Variants in SPRED2 observed in about 807,000 individuals in gnomAD.
The protein encoded by SPRED2 is sprouty-related, EVH1 domain-containing protein 2.
Under a neutral mutation model 43.0 loss-of-function variants are expected in SPRED2, and 47 were observed. That is an observed-to-expected ratio of 1.09 (90% CI 0.87 to 1.40). SPRED2 has a LOEUF of 1.40. Among genes scored for constraint, SPRED2 ranks in the 40% most tolerant of loss-of-function variants. The probability of loss-of-function intolerance (pLI) is 0.00; values close to 1 mark genes in which losing one functional copy is unlikely to be tolerated. For missense variants in SPRED2, 561 were observed against 586.4 expected (o/e 0.96, Z 0.45); for synonymous variants, 225 against 225.7 (o/e 1.00, Z 0.03).
chr2:65,337,490 T>A (rs1674000189), intron 2 of SPRED2, among the ~76,000 whole-genome samples: 1 of 152,072 alleles, frequency 6.6e-6, no homozygotes, highest in Non-Finnish European at 1.5e-5. Context: ...TTCCTACTCA[T>A]CTCTCCCCTC....
intron 1 of SPRED2, among the ~76,000 whole-genome samples, chr2:65,351,116 G>T (rs1674497386): frequency 6.6e-6 from 1 of 152,346 alleles, no homozygotes; most frequent in South Asian, 2.1e-4. Context: ...CCACTGAGGA[G>T]TGGGTTTCGA....
At chr2:65,344,643 G>T (rs1310092042) in intron 2 of SPRED2, 76 bp downstream of exon 2, 1 of 1,546,554 alleles carries the variant, frequency 6.5e-7, no homozygotes, top group Non-Finnish European at 8.9e-7. Flanking sequence ...AATACGTTAA[G>T]GAAAGAGGAC....
In SPRED2 at chr2:65,330,583, G is replaced by A. The variant is rs538290963; in HGVS notation, c.438+1404C>T. 7.9e-5 allele frequency among the ~76,000 whole-genome samples: 12 copies of A among 152,156 alleles called. 1 individual carries two copies. Among genetic ancestry groups the A allele is most frequent in the African/African-American group, 2.2e-4 (9 of 41,508 alleles). On this transcript the variant is annotated intron_variant, in intron 4 of 5. Coordinates refer to ENST00000356388, the MANE Select transcript of SPRED2 (RefSeq NM_181784.3). Reference sequence around the variant, plus strand: ...CCCCCATTATCAACATCCCCACCACGGTGGTACATTTGTGACAATCGATGA... The same window carrying A: ...CCCCCATTATCAACATCCCCACCACAGTGGTACATTTGTGACAATCGATGA...
chr2:65,363,155 C>A (rs1674874257), intron 1 of SPRED2, among the ~76,000 whole-genome samples: 1 of 146,860 alleles, frequency 6.8e-6, no homozygotes, highest in South Asian at 2.1e-4. Context: ...AGGAGAATCA[C>A]TTGAACTTGG....
chr2:65,324,263 A>G (rs1673532018), intron 4 of SPRED2, among the ~76,000 whole-genome samples: 1 of 152,164 alleles, frequency 6.6e-6, no homozygotes, highest in Non-Finnish European at 1.5e-5. Flanking sequence ...TTGATGACAA[A>G]TGAGAGCAAC....
chr2:65,314,551 G>C (rs1447063058), intron 5 of SPRED2, among the ~76,000 whole-genome samples: 1 of 152,182 alleles, frequency 6.6e-6, no homozygotes, highest in Non-Finnish European at 1.5e-5. Flanking sequence ...CTGTGCCCCA[G>C]AGTATCTTCC....
chr2:65,374,515 C>T lies in SPRED2; in HGVS notation c.27-29619G>A, dbSNP rs143317409. Among the ~76,000 whole-genome samples, 3 of 152,330 alleles carry T rather than the reference C, an allele frequency of 2.0e-5. No individual in the cohort carries two copies. In the East Asian group the frequency reaches 5.8e-4, roughly 29 times the overall value. On this transcript the variant is annotated intron_variant, in intron 1 of 5. Coordinates refer to ENST00000356388, the MANE Select transcript of SPRED2 (RefSeq NM_181784.3). ...AATTAGCTACCTAACTAAAACAAATCCCAAAATTCTGTCACAGTTAACTTT... is the reference window on the plus strand; with the variant it reads ...AATTAGCTACCTAACTAAAACAAATTCCAAAATTCTGTCACAGTTAACTTT...
chr2:65,363,683 A>G (rs912133274), intron 1 of SPRED2, among the ~76,000 whole-genome samples: 4 of 152,238 alleles, frequency 2.6e-5, no homozygotes, highest in Non-Finnish European at 4.4e-5. Flanking sequence ...ATGACCACAC[A>G]TCCATAAACC....
chr2:65,338,973 G>A (rs1327176468), intron 2 of SPRED2, among the ~76,000 whole-genome samples: 7 of 143,692 alleles, frequency 4.9e-5, no homozygotes, highest in East Asian at 2.0e-4. Flanking sequence ...GGTGAGGGGC[G>A]CCTCTGCCCG....
chr2:65,334,904 T>G, intron 2 of SPRED2, 131 bp from the exon 3 acceptor site: 1 of 850,070 alleles, frequency 1.2e-6, no homozygotes, highest in Non-Finnish European at 1.9e-6. Flanking sequence ...TTCACATATC[T>G]GTGAGTCTCT....
In SPRED2 at chr2:65,372,669, G is replaced by A. The variant is rs1297108136; in HGVS notation, c.27-27773C>T. On this transcript the variant is annotated intron_variant, in intron 1 of 5. Transcript: ENST00000356388. ...CTCAAGTCCTGGAAATGAGATAAAG[G>A]GAGTTAAGGAGTGACCATTTAATGT... 2.0e-5 allele frequency among the ~76,000 whole-genome samples: 3 copies of A among 152,142 alleles called. No individual in the cohort carries two copies. The South Asian group carries it at 6.2e-4, about 32-fold the overall frequency.
chr2:65,379,725 T>C (rs1675328224), intron 1 of SPRED2, among the ~76,000 whole-genome samples: 1 of 152,184 alleles, frequency 6.6e-6, no homozygotes, highest in African/African-American at 2.4e-5. Context: ...AGGGCTGGAA[T>C]CTGACCCAGC....
At chr2:65,417,568 T>A (rs1676316513) in intron 1 of SPRED2, among the ~76,000 whole-genome samples, 1 of 152,226 alleles carries the variant, frequency 6.6e-6, no homozygotes, top group Non-Finnish European at 1.5e-5. Context: ...GGGCCACCTT[T>A]ATCTCAATTA....
chr2:65,343,925 T>A (rs1674260230), intron 2 of SPRED2, among the ~76,000 whole-genome samples: 1 of 152,030 alleles, frequency 6.6e-6, no homozygotes, highest in Admixed American at 6.5e-5. Flanking sequence ...GGTGGGTGGA[T>A]CACCTGAGGT....
Position 65,315,553 on chromosome 2 carries a change from A to G in SPRED2, c.588+1181T>C, listed in dbSNP as rs183314966. On this transcript the variant is annotated intron_variant, in intron 5 of 5. Coordinates refer to ENST00000356388, the MANE Select transcript of SPRED2 (RefSeq NM_181784.3). Reference sequence around the variant, plus strand: ...TTTTGAAAATCATGATTTCAGAAGGATTTCAAAACAAATCTCGGAAACTGA... The same window carrying G: ...TTTTGAAAATCATGATTTCAGAAGGGTTTCAAAACAAATCTCGGAAACTGA... Among the ~76,000 whole-genome samples the G allele has an allele frequency of 7.2e-5, 11 of 152,360 alleles. No homozygotes were observed. In the East Asian group the frequency reaches 2.1e-3, roughly 29 times the overall value.
rs180714271 is a variant in SPRED2 at position 65,337,925 on chromosome 2, G to T, written c.205-3152C>A. On this transcript the variant is annotated intron_variant, in intron 2 of 5. Transcript: ENST00000356388. ...CAATATTAAAAAATGTAGTTTTTTT[G>T]ATATTAATGAGTCAGTGGCGATATT... Among the ~76,000 whole-genome samples the T allele has an allele frequency of 9.5e-4, 145 of 152,160 alleles. 1 individual carries two copies. In the South Asian group the frequency reaches 0.021, roughly 22 times the overall value.
At chr2:65,378,157 C>G (rs1675289493) in intron 1 of SPRED2, 1 of 154,860 alleles carries the variant, frequency 6.5e-6, no homozygotes, top group Non-Finnish European at 1.4e-5. Flanking sequence ...GTTTAATTAC[C>G]CTGGGGTTAA....
chr2:65,431,661 G>A (rs977357969), intron 1 of SPRED2, among the ~76,000 whole-genome samples: 3 of 152,106 alleles, frequency 2.0e-5, no homozygotes, highest in African/African-American at 7.2e-5. Context: ...TTTCGGGGGC[G>A]GGGGAGCTGT....
At chr2:65,341,302 A>G (rs1385352856) in intron 2 of SPRED2, among the ~76,000 whole-genome samples, 2 of 151,884 alleles carry the variant, frequency 1.3e-5, no homozygotes, top group African/African-American at 4.8e-5. Flanking sequence ...ATAAAAGCCC[A>G]CAAGTGTGGA....
Sources: allele counts gnomAD v4.1 joint callset (sites outside exome capture counted in the v4.1 genomes callset), GRCh38; gene constraint gnomAD v4.1.1; transcripts MANE v1.5; gene names NCBI Gene and HGNC (gene_info 2026-07-23, HGNC 2026-07-21).